Variants in TRAPPC11 observed in about 807,000 individuals in gnomAD.
TRAPPC11 encodes foie gras homolog.
In TRAPPC11, 104 loss-of-function variants were observed where a neutral mutation model predicts 151.2. The observed-to-expected ratio is 0.69, with a 90% CI of 0.59 to 0.81. The LOEUF is 0.81. TRAPPC11 is among the 30% of genes least tolerant of loss of function. The pLI is 0.00. For synonymous variants in TRAPPC11, 456 were observed against 472.3 expected, an observed-to-expected ratio of 0.97 and a Z score of 0.45; for missense variants, 1,230 against 1,349.6, an observed-to-expected ratio of 0.91 and a Z score of 1.39.
At chr4:183,690,181 G>A (rs1736190433) in intron 18 of TRAPPC11, among the ~76,000 whole-genome samples, 1 of 151,406 alleles carries the variant, frequency 6.6e-6, no homozygotes, top group East Asian at 1.9e-4. Context: ...GCGATGGAGT[G>A]AGACTCCGTC....
chr4:183,685,982 C>T (rs1054704930), intron 17 of TRAPPC11, among the ~76,000 whole-genome samples: 3 of 152,106 alleles, frequency 2.0e-5, no homozygotes, highest in South Asian at 2.1e-4. Context: ...TACTTATGGG[C>T]GTGTACTACC....
At chr4:183,662,995 T>G (rs973971379) in intron 1 of TRAPPC11, among the ~76,000 whole-genome samples, 3 of 152,184 alleles carry the variant, frequency 2.0e-5, no homozygotes, top group Admixed American at 6.5e-5. Flanking sequence ...AAGTTTTCCC[T>G]TTTTCTCTCT....
rs1489484754 is a variant in TRAPPC11, at chr4:183,668,004, AG to A, written c.448del (p.Glu150LysfsTer37). On this transcript the variant is annotated frameshift_variant and splice_region_variant, in exon 5 of 30. Coordinates refer to ENST00000334690, the MANE Select transcript of TRAPPC11 (RefSeq NM_021942.6). LOFTEE classifies it high-confidence loss of function. ...IQKKTPLPPG[E>X]DVIASERAAA... ...CATCTTGATGGGGATTATCAACAGG[AG>A]AAGATGTCATTGCTTCAGAAAGGGC... 1 of 1,575,718 alleles carries A rather than the reference AG, an allele frequency of 6.3e-7. No individual in the cohort carries two copies.
At chr4:183,709,499 G>A (rs1287400987) in intron 29 of TRAPPC11, among the ~76,000 whole-genome samples, 1 of 152,170 alleles carries the variant, frequency 6.6e-6, no homozygotes, top group Non-Finnish European at 1.5e-5. Context: ...AAAGAGGCCT[G>A]GCGCAGTGGC....
chr4:183,671,643 A>G (rs974929958), intron 5 of TRAPPC11, among the ~76,000 whole-genome samples: 1 of 152,214 alleles, frequency 6.6e-6, no homozygotes, highest in Non-Finnish European at 1.5e-5. Context: ...TTTAGACATA[A>G]ATCTGCATCT....
intron 5 of TRAPPC11, among the ~76,000 whole-genome samples, chr4:183,670,843 T>A (rs1381426039): frequency 6.6e-6 from 1 of 152,140 alleles, no homozygotes. Flanking sequence ...TGGAGTGCAG[T>A]GGCGTGGTCT....
Position 183,694,703 on chromosome 4 carries a change from A to G in TRAPPC11, c.2608A>G (p.Ile870Val). 6.2e-7 allele frequency: 1 copy of G among 1,608,702 alleles called. No individual in the cohort carries two copies. The highest frequency in any genetic ancestry group is 8.5e-7 in the Non-Finnish European group (1 of 1,178,900). ...LINTTVEEKEIVCKCHKDETV... is the reference protein window; with the variant it reads ...LINTTVEEKEVVCKCHKDETV... ...AAATACAACCGTTGAAGAAAAAGAA[A>G]TTGTTTGCAAGTGTCACAAGGTATT... is the stretch of plus-strand genomic sequence containing the variant. Residue 870 changes from isoleucine to valine, a missense_variant, in exon 23 of 30, where the codon ATT becomes GTT. Physicochemically the swap from Ile to Val is conservative, Grantham distance 29. Coordinates refer to ENST00000334690, the MANE Select transcript of TRAPPC11 (RefSeq NM_021942.6).
chr4:183,693,317 C>A (rs752923543), intron 20 of TRAPPC11, among the ~76,000 whole-genome samples, 170 bp downstream of exon 20: 2 of 152,164 alleles, frequency 1.3e-5, no homozygotes, highest in Non-Finnish European at 2.9e-5. Flanking sequence ...TCAGGCGCTA[C>A]CCTTGCCTTC....
intron 23 of TRAPPC11, among the ~76,000 whole-genome samples, chr4:183,696,952 C>T (rs1261851383): frequency 6.6e-6 from 1 of 152,054 alleles, no homozygotes; most frequent in African/African-American, 2.4e-5. Context: ...CTTTGTGGAA[C>T]GTCTGATTCC....
Position 183,666,375 on chromosome 4 carries a change from C to T in TRAPPC11, c.323C>T (p.Pro108Leu). The T allele has an allele frequency of 6.2e-7, 1 of 1,614,054 alleles. No individual in the cohort carries two copies. The highest frequency in any genetic ancestry group is 8.5e-7 in the Non-Finnish European group (1 of 1,179,948). Residue 108 changes from proline to leucine, a missense_variant, in exon 3 of 30, where the codon CCT becomes CTT. Physicochemically the swap from Pro to Leu is moderately conservative, Grantham distance 98 (BLOSUM62 -3). Transcript: ENST00000334690. Reference protein sequence around the residue: ...VVFYELDWDEPQWKEKQSECA... With the variant: ...VVFYELDWDELQWKEKQSECA... ...TTCTATGAACTGGACTGGGATGAGC[C>T]TCAGTGGAAAGAAAAGCAGTCTGAG...
intron 5 of TRAPPC11, among the ~76,000 whole-genome samples, chr4:183,668,815 A>G (rs939626424): frequency 6.6e-6 from 1 of 152,376 alleles, no homozygotes. Flanking sequence ...GTTTTGTAGT[A>G]GTACATTTTA....
Position 183,683,960 on chromosome 4 carries a change from TC to T in TRAPPC11, c.1208-14del, listed in dbSNP as rs757200431. 69 of 1,607,144 alleles carry T rather than the reference TC, an allele frequency of 4.3e-5. No individual in the cohort carries two copies. The highest frequency in any genetic ancestry group is 1.7e-4 in the Middle Eastern group (1 of 6,040). On this transcript the variant is annotated splice_polypyrimidine_tract_variant and intron_variant, in intron 11 of 29. Coordinates refer to ENST00000334690, the MANE Select transcript of TRAPPC11 (RefSeq NM_021942.6). ...AATGAGCTGTCTAAAATGAGTTGTG[TC>T]TCATCTTACGCAGGTTTTGATCTTT...
At chr4:183,693,544 T>C in intron 20 of TRAPPC11, 45 bp from the exon 21 acceptor site, 1 of 1,561,286 alleles carries the variant, frequency 6.4e-7, no homozygotes. Context: ...ATAATTTATT[T>C]GCTTTTTTTT....
intron 29 of TRAPPC11, among the ~76,000 whole-genome samples, chr4:183,711,744 A>G (rs950509976): frequency 9.9e-6 from 1 of 101,080 alleles, no homozygotes; most frequent in East Asian, 2.5e-4. Flanking sequence ...TTTCTGCTTA[A>G]AGCATAGCAA....
intron 10 of TRAPPC11, among the ~76,000 whole-genome samples, chr4:183,681,692 A>G (rs1317758779): frequency 6.6e-6 from 1 of 151,838 alleles, no homozygotes; most frequent in Admixed American, 6.6e-5. Flanking sequence ...AGGCAGGAGA[A>G]TGGCGTGAAC....
At chr4:183,685,496 AAG>A in intron 17 of TRAPPC11, 93 bp downstream of exon 17, 2 of 1,423,766 alleles carry the variant, frequency 1.4e-6, no homozygotes, top group South Asian at 1.4e-5. Context: ...AAAGTCAAGA[AAG>A]AGTTTTCAAA....
intron 10 of TRAPPC11, among the ~76,000 whole-genome samples, chr4:183,681,250 T>C (rs1353217371): frequency 6.6e-6 from 1 of 152,046 alleles, no homozygotes; most frequent in East Asian, 1.9e-4. Context: ...TTTTTAAAAC[T>C]GTTCCAAAAA....
intron 18 of TRAPPC11, among the ~76,000 whole-genome samples, chr4:183,687,592 G>T (rs1190557673): frequency 6.6e-6 from 1 of 151,978 alleles, no homozygotes; most frequent in Non-Finnish European, 1.5e-5. Flanking sequence ...GCCTCCCAAA[G>T]TGCTAGGATT....
At position 183,691,407 on chromosome 4, in the gene TRAPPC11, G is replaced by A; in HGVS notation, c.1985G>A (p.Gly662Asp). Residue 662 changes from glycine (G) to aspartate (D), a missense_variant, in exon 19 of 30, where the codon GGC (glycine) becomes GAC (aspartate). Coordinates refer to ENST00000334690, the MANE Select transcript of TRAPPC11 (RefSeq NM_021942.6). ...LTQGKMCLVP[G>D]KTRKLLFKFV... ...CAAGGAAAGATGTGCCTAGTTCCTG[G>A]CAAAACAAGAAAACTGTTATTTAAG... The A allele has an allele frequency of 6.5e-7, 1 of 1,549,766 alleles. No individual in the cohort carries two copies. The highest frequency in any genetic ancestry group is 1.3e-5 in the South Asian group (1 of 78,012).
Sources: gnomAD v4.1 joint callset for allele counts (sites outside exome capture counted in the v4.1 genomes callset) on GRCh38, gnomAD v4.1.1 for gene constraint, MANE v1.5 for transcripts, NCBI Gene and HGNC (gene_info 2026-07-23, HGNC 2026-07-21) for gene names.